TENM2: variants seen among roughly 807,000 people sequenced by gnomAD.
TENM2 encodes the protein teneurin transmembrane protein 2.
A neutral mutation model predicts 245.2 loss-of-function variants in TENM2; 52 were observed. That is an observed-to-expected ratio of 0.21 (90% CI 0.17 to 0.27). The LOEUF is 0.27. Ranked by LOEUF, TENM2 falls within the 10% of genes least tolerant of loss-of-function variation. The probability of loss-of-function intolerance (pLI) is 1.00; values close to 1 mark genes in which losing one functional copy is unlikely to be tolerated. For synonymous variants in TENM2, 1,363 were observed against 1,438.9 expected, an observed-to-expected ratio of 0.95 and a Z score of 1.19; for missense variants, 3,046 against 3,666.8, an observed-to-expected ratio of 0.83 and a Z score of 4.37.
At chr5:167,988,148 T>C (rs949714830) in intron 4 of TENM2, among the ~76,000 whole-genome samples, 1 of 152,194 alleles carries the variant, frequency 6.6e-6, no homozygotes, top group Admixed American at 6.5e-5. Flanking sequence ...CATGTACATA[T>C]GCAAACTTGT....
chr5:167,809,679 AT>A (rs1201885617), intron 2 of TENM2, among the ~76,000 whole-genome samples: 18 of 152,084 alleles, frequency 1.2e-4, no homozygotes, highest in Admixed American at 3.3e-4. Context: ...GTGTTGGCTA[AT>A]TTTTTTTAAG....
intron 12 of TENM2, among the ~76,000 whole-genome samples, chr5:168,138,562 A>G (rs1367470186): frequency 6.6e-6 from 1 of 152,200 alleles, no homozygotes; most frequent in Non-Finnish European, 1.5e-5. Context: ...CCCTCCTGCT[A>G]TTTCACTGTT....
At chr5:167,738,142 G>A (rs539770484) in intron 2 of TENM2, among the ~76,000 whole-genome samples, 2 of 152,236 alleles carry the variant, frequency 1.3e-5, no homozygotes, top group Non-Finnish European at 2.9e-5. Flanking sequence ...TGCCTGGGTG[G>A]CAGTGGAGTC....
rs70976465 is a variant in TENM2, at chr5:168,154,147, TAAA to T, written c.2423-8447_2423-8445del. Reference sequence around the variant, plus strand: ...CATTTCCTCACATGATCACCTACTTTAAAAAAAAAAAAAAAAAAACAGTAAGAG... The same window carrying T: ...CATTTCCTCACATGATCACCTACTTTAAAAAAAAAAAAAAAACAGTAAGAG... On this transcript the variant is annotated intron_variant, in intron 12 of 28. Coordinates refer to ENST00000518659, the Ensembl canonical transcript of TENM2. 1.2e-4 allele frequency among the ~76,000 whole-genome samples: 10 copies of T among 85,080 alleles called. 1 individual carries two copies. The highest frequency in any genetic ancestry group is 4.2e-4 in the Admixed American group (3 of 7,128). 55.8% of individuals were successfully genotyped at this position (85,080 alleles called of 152,430 possible). A position where few individuals can be genotyped will look rare whatever the true frequency, so the allele number is the denominator to read the frequency against.
intron 5 of TENM2, among the ~76,000 whole-genome samples, chr5:168,013,351 C>A (rs1785398993): frequency 6.6e-6 from 1 of 152,168 alleles, no homozygotes; most frequent in African/African-American, 2.4e-5. Context: ...CACCTGTAAT[C>A]CTAGCACTTT....
the TENM2 span, among the ~76,000 whole-genome samples, chr5:167,060,048 T>G: frequency 2.6e-5 from 4 of 152,204 alleles, no homozygotes; most frequent in Admixed American, 2.0e-4. Flanking sequence ...GAACTTGTTT[T>G]AATTCATAAA....
At chr5:167,092,592 G>A in the TENM2 span, among the ~76,000 whole-genome samples, 364 of 152,172 alleles carry the variant, frequency 2.4e-3, 15 homozygotes, top group East Asian at 0.057. Flanking sequence ...CTAAATTTTC[G>A]CCCTATGATG....
intron 25 of TENM2, among the ~76,000 whole-genome samples, chr5:168,241,802 T>G (rs2152680489): frequency 6.6e-6 from 1 of 152,302 alleles, no homozygotes; most frequent in East Asian, 1.9e-4. Flanking sequence ...CCTGCCAAAG[T>G]ATCAGGGGCT....
chr5:168,247,710 C>A lies in TENM2; in HGVS notation c.6771C>A (p.Leu2257=). The A allele has an allele frequency of 1.2e-6, 2 of 1,613,820 alleles. No individual in the cohort carries two copies. The highest frequency in any genetic ancestry group is 1.3e-5 in the African/African-American group (1 of 75,044). Residue 2257 remains leucine, a synonymous_variant, in exon 27 of 29, where the codon CTC becomes CTA. Coordinates refer to ENST00000518659, the Ensembl canonical transcript of TENM2. The surrounding 1 kb of genome is among the most constrained non-coding windows in gnomAD (Gnocchi z 7.8). ...ACCTCCGGGATCGGATAACCAGACTCGGGGATGTGCAGTACAAAATTGACG... is the reference window on the plus strand; with the variant it reads ...ACCTCCGGGATCGGATAACCAGACTAGGGGATGTGCAGTACAAAATTGACG...
chr5:167,181,886 A>C, the TENM2 span, among the ~76,000 whole-genome samples: 1 of 152,156 alleles, frequency 6.6e-6, no homozygotes, highest in African/African-American at 2.4e-5. Context: ...TTCCTTTAGA[A>C]GGGTTTAGAA....
intron 3 of TENM2, among the ~76,000 whole-genome samples, chr5:167,903,144 A>G (rs528407798): frequency 5.9e-5 from 9 of 152,218 alleles, no homozygotes; most frequent in Admixed American, 1.3e-4. Context: ...TAGAAAACAT[A>G]TATATAAAAG....
chr5:167,370,341 C>CAAAAAAAAAAAAA (rs35067759), intron 1 of TENM2, among the ~76,000 whole-genome samples: 1 of 73,474 alleles, frequency 1.4e-5, no homozygotes, highest in African/African-American at 4.3e-5. Context: ...GACTCCGTCT[C>CAAAAAAAAAAAAA]AAAAAAAAAA....
chr5:167,930,586 C>T (rs1314451543), intron 3 of TENM2, among the ~76,000 whole-genome samples: 2 of 151,936 alleles, frequency 1.3e-5, no homozygotes, highest in Admixed American at 6.6e-5. Flanking sequence ...ATGATCCTCC[C>T]ACCTCAGCCT....
chr5:167,652,332 A>G (rs1049662495), intron 2 of TENM2, among the ~76,000 whole-genome samples: 3 of 152,204 alleles, frequency 2.0e-5, no homozygotes, highest in East Asian at 1.9e-4. Flanking sequence ...ATAAAATCCA[A>G]TCTCATTACC....
At chr5:167,164,146 A>G in the TENM2 span, among the ~76,000 whole-genome samples, 1 of 152,198 alleles carries the variant, frequency 6.6e-6, no homozygotes, top group Non-Finnish European at 1.5e-5. Context: ...TCAGTTTTCA[A>G]TGAGACAGAG....
intron 2 of TENM2, among the ~76,000 whole-genome samples, chr5:167,641,283 C>T (rs1186426503): frequency 1.3e-5 from 2 of 151,984 alleles, no homozygotes; most frequent in African/African-American, 2.4e-5. Context: ...GCAGAAGGCT[C>T]GCAGAACCAA....
At chr5:167,105,721 TACTAAA>T in the TENM2 span, among the ~76,000 whole-genome samples, 1 of 149,644 alleles carries the variant, frequency 6.7e-6, no homozygotes, top group Non-Finnish European at 1.5e-5. Flanking sequence ...ACCCCGTCTC[TACTAAA>T]AATACAAAAA....
At chr5:167,750,527 C>A (rs1761890659) in intron 2 of TENM2, among the ~76,000 whole-genome samples, 1 of 152,100 alleles carries the variant, frequency 6.6e-6, no homozygotes, top group Non-Finnish European at 1.5e-5. Flanking sequence ...CTGGCATTTT[C>A]TGCTGGGGTG....
chr5:167,084,366 T>TATATATATATATATATATATAC, the TENM2 span, among the ~76,000 whole-genome samples: 8 of 114,882 alleles, frequency 7.0e-5, 1 homozygote, highest in Admixed American at 2.0e-4. Context: ...TATATATATA[T>TATATATATATATATATATATAC]ACAGATCAGA....
Sources: gnomAD v4.1 joint callset for allele counts (sites outside exome capture counted in the v4.1 genomes callset) on GRCh38, gnomAD v4.1.1 for gene constraint, Gnocchi (gnomAD v3.1) non-coding constraint, MANE v1.5 for transcripts, NCBI Gene and HGNC (gene_info 2026-07-23, HGNC 2026-07-21) for gene names.